The following RASGRF1 variants were observed in gnomAD, a reference collection of about 807,000 sequenced individuals.
RASGRF1 encodes ras-specific guanine nucleotide-releasing factor 1.
Under a neutral mutation model 138.7 loss-of-function variants are expected in RASGRF1, and 40 were observed. The ratio of observed to expected loss-of-function variants is 0.29; its 90% CI spans 0.22 to 0.38. The LOEUF (loss-of-function observed/expected upper bound fraction) is 0.38, where lower values mean the gene tolerates loss of function less well. RASGRF1 is among the 10% of genes least tolerant of loss of function. RASGRF1 has a pLI of 1.00. For missense variants in RASGRF1, 1,108 were observed against 1,650.4 expected (o/e 0.67, Z 5.69); for synonymous variants, 614 against 663.2 (o/e 0.93, Z 1.14).
At chr15:79,072,055 G>A (rs1223197738) in intron 1 of RASGRF1, among the ~76,000 whole-genome samples, 1 of 152,086 alleles carries the variant, frequency 6.6e-6, no homozygotes, top group Non-Finnish European at 1.5e-5. Flanking sequence ...CTGCTATTGG[G>A]AAATGAGCTT....
chr15:79,050,677 C>T lies in RASGRF1; in HGVS notation c.532-1089G>A, dbSNP rs74027014. Among the ~76,000 whole-genome samples, 5 of 152,212 alleles carry T rather than the reference C, an allele frequency of 3.3e-5. No individual in the cohort carries two copies. ...TGTCGACATAGCTGCAAGAACAAAA[C>T]CAAGGCATGGTGCCTAGGAGAAGGT... On this transcript the variant is annotated intron_variant, in intron 3 of 26. Transcript: ENST00000558480. The surrounding 1 kb of genome is among the most constrained non-coding windows in gnomAD (Gnocchi z 4.1).
At chr15:78,972,546 C>A (rs2055785209) in intron 25 of RASGRF1, among the ~76,000 whole-genome samples, 1 of 151,958 alleles carries the variant, frequency 6.6e-6, no homozygotes, top group African/African-American at 2.4e-5. Flanking sequence ...AGAACAAAAC[C>A]CCACGACTCC....
chr15:79,026,813 C>A (rs950362318), intron 9 of RASGRF1, among the ~76,000 whole-genome samples: 1 of 152,150 alleles, frequency 6.6e-6, no homozygotes, highest in African/African-American at 2.4e-5. Context: ...ATATTTCTGG[C>A]ACAGAGAATG....
chr15:79,025,071 T>C (rs572567628), intron 10 of RASGRF1, among the ~76,000 whole-genome samples: 10 of 152,306 alleles, frequency 6.6e-5, no homozygotes, highest in African/African-American at 1.9e-4. Context: ...GTGCCCAGTG[T>C]GGGGAATCTG....
chr15:79,080,816 C>T (rs996858335), intron 1 of RASGRF1, among the ~76,000 whole-genome samples: 4 of 152,212 alleles, frequency 2.6e-5, no homozygotes, highest in African/African-American at 9.6e-5. Context: ...CAACCAGCCT[C>T]AATGTCCACT....
chr15:79,055,995 C>A (rs965234685), intron 3 of RASGRF1, among the ~76,000 whole-genome samples: 2 of 152,172 alleles, frequency 1.3e-5, no homozygotes, highest in African/African-American at 4.8e-5. Flanking sequence ...ACACATGGAG[C>A]CTGCTCTCAC....
chr15:79,009,810 C>T (rs539189548), intron 13 of RASGRF1, among the ~76,000 whole-genome samples: 3 of 152,092 alleles, frequency 2.0e-5, no homozygotes, highest in East Asian at 1.9e-4. Flanking sequence ...CTGCAACCTC[C>T]GCCTCCCGGG....
rs191371126 is a variant in RASGRF1, at chr15:79,070,091, C to T, written c.277-5565G>A. ...GGCTGGGGAGTAATGTTCGGGGTGC[C>T]TTGCTTCTGCCTGGGAAATGCACAG... On this transcript the variant is annotated intron_variant, in intron 1 of 26. Coordinates refer to ENST00000558480, the MANE Select transcript of RASGRF1 (RefSeq NM_001145648.3). 1.5e-3 allele frequency among the ~76,000 whole-genome samples: 221 copies of T among 152,298 alleles called. 1 individual carries two copies. The highest frequency in any genetic ancestry group is 4.9e-3 in the African/African-American group (205 of 41,546).
At chr15:79,015,123 C>CA (rs1402765169) in intron 13 of RASGRF1, among the ~76,000 whole-genome samples, 2 of 151,672 alleles carry the variant, frequency 1.3e-5, no homozygotes, top group African/African-American at 4.8e-5. Context: ...AAAAAAAACC[C>CA]AAAAAACTAA....
At chr15:79,002,940 G>A (rs2056568514) in intron 15 of RASGRF1, among the ~76,000 whole-genome samples, 1 of 152,256 alleles carries the variant, frequency 6.6e-6, no homozygotes, top group Admixed American at 6.5e-5. Context: ...GTGGGTGCGT[G>A]CGTGTGTGCA....
At chr15:79,062,273 G>A (rs1312654519) in intron 2 of RASGRF1, among the ~76,000 whole-genome samples, 2 of 152,132 alleles carry the variant, frequency 1.3e-5, no homozygotes, top group Admixed American at 6.5e-5. Context: ...CTGGCTCTTG[G>A]TTCTACTTTA....
intron 26 of RASGRF1, among the ~76,000 whole-genome samples, chr15:78,967,733 C>T (rs957629675): frequency 6.6e-6 from 1 of 152,070 alleles, no homozygotes; most frequent in Non-Finnish European, 1.5e-5. Flanking sequence ...TTCCGGCCAA[C>T]TTTTTATTTA....
At chr15:79,047,130 G>T (rs2057365755) in intron 4 of RASGRF1, 131 bp from the exon 5 acceptor site, 8 of 1,125,988 alleles carry the variant, frequency 7.1e-6, no homozygotes, top group Admixed American at 2.5e-5. Context: ...GTAGCAAAAA[G>T]AGCTCAGATG....
chr15:79,047,560 T>C (rs1392975242), intron 4 of RASGRF1, among the ~76,000 whole-genome samples: 1 of 152,186 alleles, frequency 6.6e-6, no homozygotes. Flanking sequence ...CATGGAAAAT[T>C]AGTTAATCTC....
At chr15:79,003,529 A>G (rs1246028600) in intron 15 of RASGRF1, among the ~76,000 whole-genome samples, 1 of 152,210 alleles carries the variant, frequency 6.6e-6, no homozygotes, top group African/African-American at 2.4e-5. Flanking sequence ...GGATGCCTAA[A>G]TTGCTCGTGA....
chr15:79,072,267 CTTTTTTTTT>C lies in RASGRF1; in HGVS notation c.277-7750_277-7742del, dbSNP rs758415767. Reference sequence around the variant, plus strand: ...TTTCTGGGAGTTCTTGATAAACAATCTTTTTTTTTTTTTTTTTTTTTTTTTTGAGACGCA... The same window carrying C: ...TTTCTGGGAGTTCTTGATAAACAATCTTTTTTTTTTTTTTTTTGAGACGCA... On this transcript the variant is annotated intron_variant, in intron 1 of 26. Coordinates refer to ENST00000558480, the MANE Select transcript of RASGRF1 (RefSeq NM_001145648.3). 3.9e-4 allele frequency among the ~76,000 whole-genome samples: 24 copies of C among 61,584 alleles called. 2 individuals carry two copies. The East Asian group carries it at 8.3e-3, about 21-fold the overall frequency. 40.4% of individuals were successfully genotyped at this position (61,584 alleles called of 152,430 possible).
chr15:78,976,471 G>A (rs1248072189), intron 24 of RASGRF1, among the ~76,000 whole-genome samples: 1 of 152,058 alleles, frequency 6.6e-6, no homozygotes, highest in Non-Finnish European at 1.5e-5. Context: ...AACCATCCTG[G>A]GCCATATGCG....
chr15:79,083,937 C>T (rs1007800666), intron 1 of RASGRF1, among the ~76,000 whole-genome samples: 9 of 152,172 alleles, frequency 5.9e-5, no homozygotes, highest in African/African-American at 9.7e-5. Context: ...TTTGATCTGG[C>T]GTTTTGAAAC....
At chr15:79,023,324 T>C (rs1322633843) in intron 10 of RASGRF1, among the ~76,000 whole-genome samples, 5 of 152,244 alleles carry the variant, frequency 3.3e-5, no homozygotes. Flanking sequence ...GTGAGCTCAC[T>C]GCTAACTTAT....
Sources: allele counts gnomAD v4.1 joint callset (sites outside exome capture counted in the v4.1 genomes callset), GRCh38; gene constraint gnomAD v4.1.1; non-coding constraint Gnocchi (gnomAD v3.1); transcripts MANE v1.5; gene names NCBI Gene and HGNC (gene_info 2026-07-23, HGNC 2026-07-21).